NLRP14: variants seen among roughly 807,000 people sequenced by gnomAD.
NLRP14 encodes the protein NLR family pyrin domain containing 14.
In NLRP14, 105 loss-of-function variants were observed where a neutral mutation model predicts 94.7. That is an observed-to-expected ratio of 1.11 (90% CI 0.95 to 1.30). The LOEUF is 1.30. Ranked by LOEUF, NLRP14 falls within the 50% of genes most tolerant of loss-of-function variation. The pLI, the probability that NLRP14 is intolerant of heterozygous loss-of-function variation, is 0.00. For missense variants in NLRP14, 1,362 were observed against 1,254.1 expected, an observed-to-expected ratio of 1.09 and a Z score of -1.30; for synonymous variants, 508 against 459.9, an observed-to-expected ratio of 1.10 and a Z score of -1.34.
chr11:7,075,538 A>G (rs1466323300), downstream of NLRP14, among the ~76,000 whole-genome samples: 38 of 152,258 alleles, frequency 2.5e-4, no homozygotes, highest in Admixed American at 2.5e-3. Flanking sequence ...CAATACGCTT[A>G]GAAGCATTAG....
chr11:7,039,339 G>A (rs925324178), intron 2 of NLRP14, among the ~76,000 whole-genome samples: 10 of 146,278 alleles, frequency 6.8e-5, no homozygotes, highest in East Asian at 2.0e-4. Flanking sequence ...TTCCTTACGC[G>A]TATACAAGGC....
At chr11:7,041,773 G>A (rs61879045) in intron 3 of NLRP14, among the ~76,000 whole-genome samples, 15,966 of 152,194 alleles carry the variant, frequency 0.1, 842 homozygotes, top group Admixed American at 0.16. Context: ...GAGGTTCAGA[G>A]AGGTCTTCCC....
At chr11:7,025,556 T>C (rs1282389833) in intron 1 of NLRP14, among the ~76,000 whole-genome samples, 1 of 152,160 alleles carries the variant, frequency 6.6e-6, no homozygotes, top group Non-Finnish European at 1.5e-5. Flanking sequence ...TATTAGTCAT[T>C]ATGCTAAATG....
intron 10 of NLRP14, among the ~76,000 whole-genome samples, chr11:7,068,417 T>G (rs1852740448): frequency 6.6e-6 from 1 of 152,164 alleles, no homozygotes; most frequent in African/African-American, 2.4e-5. Flanking sequence ...TGCAGTGTTT[T>G]TGTTATTTTT....
In NLRP14 at chr11:7,038,766, T is replaced by C. The variant is rs1476056113; in HGVS notation, c.180T>C (p.Asn60=). Reference sequence around the variant, plus strand: ...AGGCCAGGCGGGAGGACCTGGCCAATTTGATGAAGAAATATTATCCAGGAG... The same window carrying C: ...AGGCCAGGCGGGAGGACCTGGCCAACTTGATGAAGAAATATTATCCAGGAG... ...VKKARREDLA[N]LMKKYYPGEK... Residue 60 remains asparagine (N), a synonymous_variant, in exon 2 of 12, where the codon AAT becomes AAC. Coordinates refer to ENST00000299481, the MANE Select transcript of NLRP14 (RefSeq NM_176822.4). 3.7e-6 allele frequency: 6 copies of C among 1,613,388 alleles called. No homozygotes were observed. In the South Asian group the frequency reaches 5.5e-5, roughly 15 times the overall value.
intron 1 of NLRP14, among the ~76,000 whole-genome samples, chr11:7,035,520 G>A (rs1433770525): frequency 3.3e-5 from 5 of 152,206 alleles, no homozygotes; most frequent in African/African-American, 4.8e-5. Context: ...ATCATATAAC[G>A]CACGTATAGT....
At chr11:7,022,956 T>C (rs1851966873) in intron 1 of NLRP14, among the ~76,000 whole-genome samples, 1 of 152,072 alleles carries the variant, frequency 6.6e-6, no homozygotes, top group South Asian at 2.1e-4. Flanking sequence ...ACCCAAAAAT[T>C]ATAAGGACAG....
Position 7,038,872 on chromosome 11 carries a change from AACTGTG to A in NLRP14, c.288_289+4del. 6.2e-7 allele frequency: 1 copy of A among 1,613,182 alleles called. No homozygotes were observed. The highest frequency in any genetic ancestry group is 8.5e-7 in the Non-Finnish European group (1 of 1,179,836). ...GTGTGAGAGAGCGAAAGAAGAGATC[AACTGTG>A]AGTGATGCTAGGGGCAAATCGGGGG... On this transcript the variant is annotated splice_donor_variant and splice_donor_region_variant and coding_sequence_variant and intron_variant, in exon 2 of 12. Coordinates refer to ENST00000299481, the MANE Select transcript of NLRP14 (RefSeq NM_176822.4). LOFTEE classifies it high-confidence loss of function.
At chr11:7,060,171 A>C in intron 9 of NLRP14, 107 bp downstream of exon 9, 1 of 1,040,606 alleles carries the variant, frequency 9.6e-7, no homozygotes, top group Non-Finnish European at 1.5e-6. Context: ...AAAGAATATA[A>C]AGCTGATTTT....
chr11:7,060,035 G>T lies in NLRP14; in HGVS notation c.2775G>T (p.Arg925=). Residue 925 remains arginine (R), a synonymous_variant, in exon 9 of 12, where the codon CGG becomes CGT. Coordinates refer to ENST00000299481, the MANE Select transcript of NLRP14 (RefSeq NM_176822.4). ...NGVKLLCDVF[R]HPSCNLQDLE... ...TGAAGCTTCTGTGTGATGTCTTTCG[G>T]CATCCAAGCTGTAATCTTCAGGACT... is the stretch of plus-strand genomic sequence containing the variant. The T allele has an allele frequency of 6.2e-7, 1 of 1,612,698 alleles. No individual in the cohort carries two copies.
chr11:7,030,837 C>T (rs368651944), intron 1 of NLRP14, among the ~76,000 whole-genome samples: 3 of 152,196 alleles, frequency 2.0e-5, no homozygotes, highest in African/African-American at 7.2e-5. Context: ...CTTCCTCTTT[C>T]CCACATCGGG....
chr11:7,071,356 A>G lies in NLRP14; in HGVS notation c.*48A>G. ...TAAAAATATAAATATAAATACATAC[A>G]TACATAGATATATACCCAGACTTGG... On this transcript the variant is annotated 3_prime_UTR_variant, in exon 12 of 12. Coordinates refer to ENST00000299481, the MANE Select transcript of NLRP14 (RefSeq NM_176822.4). 6.8e-7 allele frequency: 1 copy of G among 1,476,940 alleles called. No individual in the cohort carries two copies. Among genetic ancestry groups the G allele is most frequent in the Non-Finnish European group, 9.3e-7 (1 of 1,070,940 alleles). 91.5% of individuals were successfully genotyped at this position (1,476,940 alleles called of 1,614,324 possible).
rs1348034767 is a variant in NLRP14 at position 7,060,005 on chromosome 11, T to C, written c.2745T>C (p.Asn915=). The change falls in exon 9 of 12, where the codon AAT becomes AAC. Residue 915 remains asparagine (N), a synonymous_variant. Transcript: ENST00000299481. ...LDLGSNWLQD[N]GVKLLCDVFR... is the part of the protein sequence containing the mutation. The stretch of plus-strand genomic sequence containing the variant: ...TAGGATCAAACTGGCTACAAGACAA[T>C]GGAGTGAAGCTTCTGTGTGATGTCT... 1 of 1,612,790 alleles carries C rather than the reference T, an allele frequency of 6.2e-7. No individual in the cohort carries two copies. The highest frequency in any genetic ancestry group is 1.7e-4 in the Middle Eastern group (1 of 6,058).
intron 10 of NLRP14, among the ~76,000 whole-genome samples, chr11:7,069,209 AG>A (rs2119718011): frequency 6.6e-6 from 1 of 152,282 alleles, no homozygotes; most frequent in East Asian, 1.9e-4. Context: ...TTTTCCCCTA[AG>A]GAAGATTTTG....
the NLRP14 span, among the ~76,000 whole-genome samples, chr11:7,077,395 C>T: frequency 6.6e-6 from 1 of 152,194 alleles, no homozygotes; most frequent in African/African-American, 2.4e-5. Context: ...CAATCTGGGC[C>T]GAGGTCCCAA....
At position 7,042,791 on chromosome 11, in the gene NLRP14, G is replaced by A. The variant is rs775016969; in HGVS notation, c.765G>A (p.Leu255=). ...TCATGTACCAGCCAAGTAGCCTCTT[G>A]TTTATTATTGACAGTTTCGATGAAC... ...EEIMYQPSSL[L]FIIDSFDELN... The change falls in exon 4 of 12, where the codon TTG becomes TTA. Residue 255 remains leucine (L), a synonymous_variant. Transcript: ENST00000299481. The A allele has an allele frequency of 5.0e-6, 8 of 1,614,186 alleles. No individual in the cohort carries two copies. The highest frequency in any genetic ancestry group is 6.8e-6 in the Non-Finnish European group (8 of 1,180,032).
rs571420092 is a variant in NLRP14, at chr11:7,062,291, T to G, written c.2805-42T>G. The G allele has an allele frequency of 3.2e-5, 49 of 1,554,692 alleles. No individual in the cohort carries two copies. In the South Asian group the frequency reaches 5.3e-4, roughly 17 times the overall value. ...CTCCTAGGAAGAAACTTATTTAACC[T>G]CACAATGGAAGGATTCACTTTTCCT... On this transcript the variant is annotated intron_variant, in intron 9 of 11. Transcript: ENST00000299481.
At chr11:7,078,977 C>A in the NLRP14 span, among the ~76,000 whole-genome samples, 2 of 152,262 alleles carry the variant, frequency 1.3e-5, no homozygotes, top group African/African-American at 2.4e-5. Context: ...ACAGGCACTT[C>A]GTTCTGCTGC....
chr11:7,079,945 C>T, the NLRP14 span, among the ~76,000 whole-genome samples: 33 of 151,852 alleles, frequency 2.2e-4, no homozygotes, highest in Admixed American at 8.5e-4. Flanking sequence ...GAAGCCATTG[C>T]GATAGGAGGG....
Sources: allele counts gnomAD v4.1 joint callset (sites outside exome capture counted in the v4.1 genomes callset), GRCh38; gene constraint gnomAD v4.1.1; transcripts MANE v1.5; gene names NCBI Gene and HGNC (gene_info 2026-07-23, HGNC 2026-07-21).